Variants in ADCYAP1R1 observed in about 807,000 individuals in gnomAD.
The protein encoded by ADCYAP1R1 is ADCYAP receptor type I.
Under a neutral mutation model 67.6 loss-of-function variants are expected in ADCYAP1R1, and 44 were observed. The ratio of observed to expected loss-of-function variants is 0.65; its 90% confidence interval spans 0.51 to 0.84. ADCYAP1R1 has a LOEUF of 0.84. Among genes scored for constraint, ADCYAP1R1 ranks in the 40% least tolerant of loss-of-function variants. The pLI, the probability that ADCYAP1R1 is intolerant of heterozygous loss-of-function variation, is 0.00. For missense variants in ADCYAP1R1, 477 were observed against 587.9 expected, an observed-to-expected ratio of 0.81 and a Z score of 1.95; for synonymous variants, 222 against 219.6, an observed-to-expected ratio of 1.01 and a Z score of -0.10.
At chr7:31,090,611 T>C (rs1795927154) in intron 12 of ADCYAP1R1, among the ~76,000 whole-genome samples, 1 of 152,214 alleles carries the variant, frequency 6.6e-6, no homozygotes, top group Admixed American at 6.5e-5. Flanking sequence ...ATTGTTGCCA[T>C]TTTTATGTCC....
chr7:31,090,363 A>C (rs1380202084), intron 12 of ADCYAP1R1, among the ~76,000 whole-genome samples: 1 of 152,194 alleles, frequency 6.6e-6, no homozygotes, highest in Non-Finnish European at 1.5e-5. Context: ...TAACACATAC[A>C]GTTAGCAGTA....
intron 3 of ADCYAP1R1, 42 bp downstream of exon 3, chr7:31,064,978 G>C: frequency 1.4e-6 from 2 of 1,478,690 alleles, no homozygotes; most frequent in Non-Finnish European, 1.9e-6. Context: ...CCCAGTGCCA[G>C]CTTTTAGAAC....
intron 3 of ADCYAP1R1, among the ~76,000 whole-genome samples, chr7:31,067,660 G>A (rs977671748): frequency 6.6e-6 from 1 of 152,192 alleles, no homozygotes; most frequent in Non-Finnish European, 1.5e-5. Context: ...CACCTCTAAA[G>A]AGTGACATGC....
In ADCYAP1R1 at chr7:31,102,295, G is replaced by A. The variant is rs764711491; in HGVS notation, c.1047-942G>A. On this transcript the variant is annotated intron_variant, in intron 13 of 15. Transcript: ENST00000304166. This position sits in a 1 kb window ranked among gnomAD's most constrained non-coding sequence, Gnocchi z 4.3. ...CAGCCTGGGGGCAGGCCACATCTGC[G>A]GGGCAGGCCACATCTGCAGGGCAGA... is the stretch of plus-strand genomic sequence containing the variant. 6.6e-6 allele frequency among the ~76,000 whole-genome samples: 1 copy of A among 152,130 alleles called. No individual in the cohort carries two copies. Among genetic ancestry groups the A allele is most frequent in the South Asian group, 2.1e-4 (1 of 4,832 alleles).
At position 31,106,751 on chromosome 7, in the gene ADCYAP1R1, G is replaced by T. The variant is rs532226481; in HGVS notation, c.*67G>T. 1.8e-5 allele frequency: 27 copies of T among 1,476,614 alleles called. No homozygotes were observed. The highest frequency in any genetic ancestry group is 2.5e-5 in the East Asian group (1 of 39,980). The allele number at this position is 1,476,614 out of a possible 1,614,324, so 91.5% of individuals were successfully genotyped here. Reference sequence around the variant, plus strand: ...GGACCGCAGGCAGGTGCCAGCCCACGCATGTTTGCGCCTCTTCCCTCCCCT... The same window carrying T: ...GGACCGCAGGCAGGTGCCAGCCCACTCATGTTTGCGCCTCTTCCCTCCCCT... On this transcript the variant is annotated 3_prime_UTR_variant, in exon 16 of 16. Coordinates refer to ENST00000304166, the MANE Select transcript of ADCYAP1R1 (RefSeq NM_001118.5).
chr7:31,099,717 C>T (rs954903887), intron 13 of ADCYAP1R1, among the ~76,000 whole-genome samples: 1 of 152,188 alleles, frequency 6.6e-6, no homozygotes, highest in Non-Finnish European at 1.5e-5. Flanking sequence ...TGCAGAAGAT[C>T]GGCAGTGTGA....
At chr7:31,075,665 C>T (rs1243303061) in intron 3 of ADCYAP1R1, among the ~76,000 whole-genome samples, 2 of 152,070 alleles carry the variant, frequency 1.3e-5, no homozygotes, top group African/African-American at 4.8e-5. Flanking sequence ...GTGGCAGGGC[C>T]GTAGGTAGGG....
At chr7:31,059,859 C>T (rs909446876) in intron 1 of ADCYAP1R1, among the ~76,000 whole-genome samples, 1 of 150,780 alleles carries the variant, frequency 6.6e-6, no homozygotes, top group Non-Finnish European at 1.5e-5. Context: ...CCAGCGGAGT[C>T]GAGGCCTGGG....
intron 15 of ADCYAP1R1, among the ~76,000 whole-genome samples, chr7:31,105,818 A>G (rs1177187834): frequency 6.6e-6 from 1 of 152,178 alleles, no homozygotes; most frequent in Non-Finnish European, 1.5e-5. Flanking sequence ...TAGGAGCTGG[A>G]ACTGGAGAGG....
At position 31,081,892 on chromosome 7, in the gene ADCYAP1R1, T is replaced by C. The variant is rs181199838; in HGVS notation, c.328+138T>C. ...GATCTTTGGCAGGTGACTTTTTTTC[T>C]CTGATAAAGGTACAGATTATCTTCA... On this transcript the variant is annotated intron_variant, in intron 6 of 15. Coordinates refer to ENST00000304166, the MANE Select transcript of ADCYAP1R1 (RefSeq NM_001118.5). The C allele has an allele frequency of 1.5e-3, 922 of 612,138 alleles. 3 individuals carry two copies. The highest frequency in any genetic ancestry group is 2.1e-3 in the Admixed American group (70 of 33,022). 37.9% of individuals were successfully genotyped at this position (612,138 alleles called of 1,614,324 possible). A position where few individuals can be genotyped will look rare whatever the true frequency, so the allele number is the denominator to read the frequency against.
chr7:31,095,795 T>C (rs1796169522), intron 13 of ADCYAP1R1: 1 of 715,906 alleles, frequency 1.4e-6, no homozygotes. Context: ...TTGTCCTCCA[T>C]AGACCAAGAC....
rs1388308020 is a variant in ADCYAP1R1 at position 31,106,520 on chromosome 7, T to C, written c.1243T>C (p.Trp415Arg). The C allele has an allele frequency of 6.2e-7, 1 of 1,611,936 alleles. No individual in the cohort carries two copies. Among genetic ancestry groups the C allele is most frequent in the Non-Finnish European group, 8.5e-7 (1 of 1,178,868 alleles). ...GGTACAAGCGGAGATCAAGCGAAAA[T>C]GGCGAAGCTGGAAGGTGAACCGTTA... ...GEVQAEIKRKWRSWKVNRYFA... is the reference protein window; with the variant it reads ...GEVQAEIKRKRRSWKVNRYFA... Residue 415 changes from tryptophan (W) to arginine (R), a missense_variant, in exon 16 of 16, where the codon TGG (tryptophan) becomes CGG (arginine). By Grantham distance (101) the Trp-to-Arg change is moderately radical. Coordinates refer to ENST00000304166, the MANE Select transcript of ADCYAP1R1 (RefSeq NM_001118.5).
intron 3 of ADCYAP1R1, among the ~76,000 whole-genome samples, chr7:31,066,507 G>C (rs2128618616): frequency 6.6e-6 from 1 of 152,336 alleles, no homozygotes; most frequent in East Asian, 1.9e-4. Flanking sequence ...GGCCAGGCCA[G>C]TGCTGGGGAG....
At chr7:31,057,614 T>G (rs1045403417) in intron 1 of ADCYAP1R1, among the ~76,000 whole-genome samples, 2 of 151,676 alleles carry the variant, frequency 1.3e-5, no homozygotes, top group African/African-American at 4.8e-5. Flanking sequence ...CCCAGGAGTT[T>G]GTCTGTGCCC....
intron 1 of ADCYAP1R1, among the ~76,000 whole-genome samples, chr7:31,061,975 GTAA>G (rs1280124547): frequency 1.3e-5 from 2 of 152,166 alleles, no homozygotes; most frequent in African/African-American, 2.4e-5. Context: ...TAATTTAATA[GTAA>G]TAATAATTTT....
chr7:31,089,423 GTT>G (rs34984750), intron 12 of ADCYAP1R1, among the ~76,000 whole-genome samples: 62 of 127,490 alleles, frequency 4.9e-4, no homozygotes, highest in African/African-American at 6.9e-4. Context: ...GCTTGTTTCA[GTT>G]TTTTTTTTTT....
At chr7:31,095,783 G>A (rs776291074) in intron 13 of ADCYAP1R1, 3 of 717,270 alleles carry the variant, frequency 4.2e-6, no homozygotes, top group Admixed American at 2.0e-5. Flanking sequence ...GGTGATAAGG[G>A]TTTGTCCTCC....
At chr7:31,058,132 G>A (rs1794334960) in intron 1 of ADCYAP1R1, among the ~76,000 whole-genome samples, 1 of 152,226 alleles carries the variant, frequency 6.6e-6, no homozygotes, top group South Asian at 2.1e-4. Context: ...CTGTGGGCCT[G>A]GGCCAGACGC....
intron 3 of ADCYAP1R1, 55 bp from the exon 4 acceptor site, chr7:31,077,936 T>A: frequency 1.7e-6 from 2 of 1,184,324 alleles, no homozygotes; most frequent in Non-Finnish European, 2.4e-6. Context: ...TGTGGTGGTG[T>A]GTGTGTATGG....
Sources: allele counts gnomAD v4.1 joint callset (sites outside exome capture counted in the v4.1 genomes callset), GRCh38; gene constraint gnomAD v4.1.1; non-coding constraint Gnocchi (gnomAD v3.1); transcripts MANE v1.5; gene names NCBI Gene and HGNC (gene_info 2026-07-23, HGNC 2026-07-21).